The following FUT8 variants were observed in gnomAD, a reference collection of about 807,000 sequenced individuals.
FUT8 encodes the protein alpha-(1,6)-fucosyltransferase.
FUT8 carries 29 observed loss-of-function variants against 71.3 expected under a neutral mutation model. The observed-to-expected ratio is 0.41, with a 90% CI of 0.30 to 0.55. FUT8 has a LOEUF of 0.55. FUT8 is among the 20% of genes least tolerant of loss of function. FUT8 has a pLI of 0.34. For missense variants in FUT8, 544 were observed against 702.1 expected (o/e 0.77, Z 2.55); for synonymous variants, 254 against 239.3 (o/e 1.06, Z -0.57).
the FUT8 span, among the ~76,000 whole-genome samples, chr14:65,404,012 C>T: frequency 6.6e-6 from 1 of 151,956 alleles, no homozygotes; most frequent in East Asian, 1.9e-4. Context: ...ATTCTCCTGC[C>T]TCAACCTCTT....
intron 1 of FUT8, among the ~76,000 whole-genome samples, chr14:65,436,826 C>T (rs2065569256): frequency 6.6e-6 from 1 of 151,910 alleles, no homozygotes; most frequent in Admixed American, 6.6e-5. Context: ...CAGTTATTAT[C>T]TAGGATTATC....
Position 65,511,761 on chromosome 14 carries a change from T to A in FUT8, c.-227-49576T>A, listed in dbSNP as rs149413401. Among the ~76,000 whole-genome samples, 57 of 152,368 alleles carry A rather than the reference T, an allele frequency of 3.7e-4. 2 individuals are homozygous for A. In the East Asian group the frequency reaches 0.011, roughly 28 times the overall value. On this transcript the variant is annotated intron_variant, in intron 2 of 10. Coordinates refer to ENST00000673929, the MANE Select transcript of FUT8 (RefSeq NM_001371533.1). ...TGGCATGGAATATCTTTTCCATTTC[T>A]TTATTTTCAATCTGTGTGTGTCTTT...
intron 2 of FUT8, among the ~76,000 whole-genome samples, chr14:65,525,406 G>T (rs1883385255): frequency 6.6e-6 from 1 of 152,158 alleles, no homozygotes; most frequent in African/African-American, 2.4e-5. Context: ...GATTGGTGAT[G>T]ATATCCCCTT....
At chr14:65,566,125 A>G (rs1886182342) in intron 3 of FUT8, among the ~76,000 whole-genome samples, 1 of 151,788 alleles carries the variant, frequency 6.6e-6, no homozygotes, top group African/African-American at 2.4e-5. Flanking sequence ...GTCCAAGATG[A>G]CCTCACTTAC....
chr14:65,675,953 C>T (rs371866787), intron 7 of FUT8, among the ~76,000 whole-genome samples: 8 of 152,092 alleles, frequency 5.3e-5, no homozygotes, highest in Non-Finnish European at 2.9e-5. Flanking sequence ...GCCGAGATCG[C>T]GCCACTGCAC....
chr14:65,421,243 T>A (rs992819271), intron 1 of FUT8, among the ~76,000 whole-genome samples: 8 of 150,546 alleles, frequency 5.3e-5, no homozygotes, highest in African/African-American at 2.0e-4. Flanking sequence ...ATATATTTAC[T>A]CTTCATTAAG....
At chr14:65,611,570 C>T (rs961684614) in intron 3 of FUT8, among the ~76,000 whole-genome samples, 1 of 151,936 alleles carries the variant, frequency 6.6e-6, no homozygotes, top group African/African-American at 2.4e-5. Context: ...ATATAATCTG[C>T]AGTAAATCTC....
At chr14:65,411,873 T>G (rs1262515987), upstream of FUT8, 5 of 365,438 alleles carry the variant, frequency 1.4e-5, no homozygotes, top group South Asian at 8.2e-5. Context: ...GCGACTACTT[T>G]GTGTGCTGGG....
At chr14:65,741,334 T>C (rs1278748895) in intron 10 of FUT8, among the ~76,000 whole-genome samples, 4 of 151,966 alleles carry the variant, frequency 2.6e-5, no homozygotes, top group African/African-American at 9.7e-5. Flanking sequence ...CTTAAAACTT[T>C]TTAGAACAGA....
At chr14:65,374,554 TG>T in the FUT8 span, among the ~76,000 whole-genome samples, 1 of 152,094 alleles carries the variant, frequency 6.6e-6, no homozygotes, top group East Asian at 1.9e-4. Context: ...GCTGGACTAG[TG>T]TGCCTATAAA....
At chr14:65,667,430 C>T (rs564663183) in intron 6 of FUT8, among the ~76,000 whole-genome samples, 1 of 152,064 alleles carries the variant, frequency 6.6e-6, no homozygotes, top group East Asian at 1.9e-4. Context: ...AAAATTGCCA[C>T]AAAAAGAATA....
intron 2 of FUT8, among the ~76,000 whole-genome samples, chr14:65,540,785 A>G (rs1487167578): frequency 6.6e-6 from 1 of 152,246 alleles, no homozygotes; most frequent in African/African-American, 2.4e-5. Flanking sequence ...AGTAGCATAA[A>G]TAACTAACGA....
intron 3 of FUT8, among the ~76,000 whole-genome samples, chr14:65,585,775 C>T (rs1174323262): frequency 6.6e-6 from 1 of 152,190 alleles, no homozygotes; most frequent in Non-Finnish European, 1.5e-5. Context: ...CGTTTGATTT[C>T]CTCAAAGCTG....
rs1235690043 is a variant in FUT8 at position 65,497,424 on chromosome 14, G to A, written c.-228+41706G>A. ...TGAGTCTGAATCAGGATCTCTGGCC[G>A]TGGAGCCCAGACCCTGCAGTTTTAT... On this transcript the variant is annotated intron_variant, in intron 2 of 10. Transcript: ENST00000673929. Among the ~76,000 whole-genome samples, 8 of 152,284 alleles carry A rather than the reference G, an allele frequency of 5.3e-5. No homozygotes were observed. In the South Asian group the frequency reaches 1.7e-3, roughly 32 times the overall value.
chr14:65,714,096 A>C (rs1413652036), intron 7 of FUT8, among the ~76,000 whole-genome samples: 1 of 152,222 alleles, frequency 6.6e-6, no homozygotes, highest in Non-Finnish European at 1.5e-5. Flanking sequence ...ATGGATATCC[A>C]GTTTTCCCAG....
intron 3 of FUT8, among the ~76,000 whole-genome samples, chr14:65,567,633 C>G (rs1886266055): frequency 6.6e-6 from 1 of 151,794 alleles, no homozygotes; most frequent in African/African-American, 2.4e-5. Flanking sequence ...ATGATATCTG[C>G]CTTTTGCTTT....
At chr14:65,482,625 TTATAAGTCATGAA>T (rs1196970960) in intron 2 of FUT8, among the ~76,000 whole-genome samples, 1 of 152,176 alleles carries the variant, frequency 6.6e-6, no homozygotes, top group Non-Finnish European at 1.5e-5. Context: ...TATTATGGCT[TTATAAGTCATGAA>T]ATCGGGTCAC....
chr14:65,730,011 C>T (rs1192717945), intron 9 of FUT8, among the ~76,000 whole-genome samples: 6 of 151,776 alleles, frequency 4.0e-5, no homozygotes, highest in African/African-American at 1.5e-4. Flanking sequence ...TTTTTCTACT[C>T]TGATTTAATT....
intron 6 of FUT8, among the ~76,000 whole-genome samples, chr14:65,642,007 G>A (rs1890866028): frequency 6.6e-6 from 1 of 151,954 alleles, no homozygotes; most frequent in South Asian, 2.1e-4. Context: ...TCTTAACAGT[G>A]TCTTTTGAAA....
Sources: allele counts gnomAD v4.1 joint callset (sites outside exome capture counted in the v4.1 genomes callset), GRCh38; gene constraint gnomAD v4.1.1; transcripts MANE v1.5; gene names NCBI Gene and HGNC (gene_info 2026-07-23, HGNC 2026-07-21).